The following HIVEP3 variants were observed in gnomAD, a reference collection of about 807,000 sequenced individuals.
The protein encoded by HIVEP3 is transcription factor HIVEP3.
In HIVEP3, 49 loss-of-function variants were observed where a neutral mutation model predicts 152.8. The observed-to-expected ratio is 0.32, with a 90% CI of 0.26 to 0.41. HIVEP3 has a LOEUF of 0.41. Ranked by LOEUF, HIVEP3 falls within the 10% of genes least tolerant of loss-of-function variation. HIVEP3 has a pLI of 1.00. For missense variants in HIVEP3, 2,790 were observed against 3,103.3 expected (o/e 0.90, Z 2.40); for synonymous variants, 1,269 against 1,289.0 (o/e 0.98, Z 0.33).
At chr1:41,577,614 G>A (rs1164398000) in intron 4 of HIVEP3, among the ~76,000 whole-genome samples, 1 of 152,156 alleles carries the variant, frequency 6.6e-6, no homozygotes, top group Non-Finnish European at 1.5e-5. Context: ...AACATCATGG[G>A]GTGTCCTAGA....
intron 2 of HIVEP3, among the ~76,000 whole-genome samples, chr1:41,697,007 T>A (rs1646286677): frequency 1.3e-5 from 2 of 152,248 alleles, no homozygotes; most frequent in African/African-American, 4.8e-5. Context: ...AATACATTTA[T>A]ACGGCTGGCT....
intron 1 of HIVEP3, among the ~76,000 whole-genome samples, chr1:41,928,674 T>C (rs1221657619): frequency 6.6e-6 from 1 of 152,226 alleles, no homozygotes; most frequent in African/African-American, 2.4e-5. Flanking sequence ...TCCTTGTCTT[T>C]CTTGCCCTTG....
At chr1:41,626,198 G>A (rs537772386) in intron 3 of HIVEP3, among the ~76,000 whole-genome samples, 86 of 151,610 alleles carry the variant, frequency 5.7e-4, no homozygotes, top group African/African-American at 2.0e-3. Flanking sequence ...CCCCAGCACC[G>A]GGGCGTTTGC....
intron 5 of HIVEP3, among the ~76,000 whole-genome samples, chr1:41,563,402 A>G (rs1276341786): frequency 6.6e-6 from 1 of 152,018 alleles, no homozygotes; most frequent in Non-Finnish European, 1.5e-5. Context: ...AGTGAATGCA[A>G]TGCATACAGA....
chr1:41,963,006 T>C (rs1474652643), intron 1 of HIVEP3, among the ~76,000 whole-genome samples: 1 of 150,592 alleles, frequency 6.6e-6, no homozygotes, highest in Non-Finnish European at 1.5e-5. Flanking sequence ...CCAAAAGTTG[T>C]TTTTTTTTGT....
At chr1:41,749,404 T>TTTTGTGTGTGTGTGTGTG (rs1553255920) in intron 1 of HIVEP3, among the ~76,000 whole-genome samples, 2 of 140,774 alleles carry the variant, frequency 1.4e-5, no homozygotes, top group African/African-American at 5.2e-5. Context: ...TTAGAAAAAA[T>TTTTGTGTGTGTGTGTGTG]TGTGTGTGTG....
At position 41,580,644 on chromosome 1, in the gene HIVEP3, T is replaced by C; in HGVS notation, c.4154A>G (p.Glu1385Gly). 6.2e-7 allele frequency: 1 copy of C among 1,614,108 alleles called. No individual in the cohort carries two copies. The highest frequency in any genetic ancestry group is 1.3e-5 in the African/African-American group (1 of 75,054). The change falls in exon 4 of 9, where the codon GAA becomes GGA. Residue 1385 changes from glutamate (E) to glycine (G), a missense_variant. By Grantham distance (98) the Glu-to-Gly change is moderately conservative. Transcript: ENST00000372583. ...EVGPGPSGLSEEQSRAFPTPY... is the reference protein window; with the variant it reads ...EVGPGPSGLSGEQSRAFPTPY... ...AGTTGGGAAAGCTCTGCTTTGCTCTTCACTTAACCCAGAAGGGCCGGGCCC... is the reference window on the plus strand; with the variant it reads ...AGTTGGGAAAGCTCTGCTTTGCTCTCCACTTAACCCAGAAGGGCCGGGCCC...
At chr1:42,034,107 T>C (rs1195147889) in intron 1 of HIVEP3, among the ~76,000 whole-genome samples, 1 of 152,246 alleles carries the variant, frequency 6.6e-6, no homozygotes, top group African/African-American at 2.4e-5. Context: ...TCTTGTTAGC[T>C]CTGAATTTTG....
intron 1 of HIVEP3, among the ~76,000 whole-genome samples, chr1:41,730,267 C>T (rs1289851947): frequency 6.6e-6 from 1 of 152,252 alleles, no homozygotes; most frequent in East Asian, 1.9e-4. Flanking sequence ...GAACCTGGGC[C>T]TCTGCCCCTC....
chr1:41,957,815 C>T (rs1465880223), intron 1 of HIVEP3, among the ~76,000 whole-genome samples: 1 of 152,184 alleles, frequency 6.6e-6, no homozygotes, highest in Non-Finnish European at 1.5e-5. Flanking sequence ...GACATGGCAC[C>T]AGCTCCCGTC....
chr1:41,530,910 G>T (rs567850799), intron 5 of HIVEP3, among the ~76,000 whole-genome samples: 1 of 152,366 alleles, frequency 6.6e-6, no homozygotes, highest in Non-Finnish European at 1.5e-5. Context: ...CCTTGACTTG[G>T]GGCGGGGTGT....
At chr1:41,795,605 T>C (rs2124304733) in intron 1 of HIVEP3, among the ~76,000 whole-genome samples, 1 of 152,352 alleles carries the variant, frequency 6.6e-6, no homozygotes, top group East Asian at 1.9e-4. Context: ...TATCTAGAAT[T>C]CTCCTGTAAA....
intron 1 of HIVEP3, among the ~76,000 whole-genome samples, chr1:41,948,351 C>T (rs1381036192): frequency 6.6e-6 from 1 of 152,186 alleles, no homozygotes; most frequent in African/African-American, 2.4e-5. Flanking sequence ...CCTCCATGCC[C>T]ACGCAGCAAT....
chr1:41,859,826 C>G (rs946468992), intron 1 of HIVEP3, among the ~76,000 whole-genome samples: 1 of 152,272 alleles, frequency 6.6e-6, no homozygotes, highest in East Asian at 1.9e-4. Flanking sequence ...GTTCCTCTTG[C>G]GAATTGCCTG....
rs1032767964 is a variant in HIVEP3, at chr1:41,905,627, G to A, written c.-801+12786C>T. ...CATAGAGGTTAAGTAACTTGTCCAA[G>A]ATCACACAGTTAGTATATGACAGAG... On this transcript the variant is annotated intron_variant, in intron 1 of 8. Transcript: ENST00000372583. Among the ~76,000 whole-genome samples the A allele has an allele frequency of 5.3e-5, 8 of 152,322 alleles. No individual in the cohort carries two copies. The South Asian group carries it at 1.4e-3, about 28-fold the overall frequency.
chr1:41,649,648 G>GCTC (rs2124009171), intron 2 of HIVEP3, among the ~76,000 whole-genome samples: 1 of 152,306 alleles, frequency 6.6e-6, no homozygotes, highest in East Asian at 1.9e-4. Flanking sequence ...TCTCCAAAGA[G>GCTC]CTCCTCCCCT....
chr1:41,626,181 C>T (rs1356550676), intron 3 of HIVEP3, among the ~76,000 whole-genome samples: 1 of 151,564 alleles, frequency 6.6e-6, no homozygotes. Context: ...ATGGGCCACC[C>T]CGCCCTCCCC....
At chr1:41,797,737 C>T (rs981087771) in intron 1 of HIVEP3, among the ~76,000 whole-genome samples, 2 of 152,114 alleles carry the variant, frequency 1.3e-5, no homozygotes, top group Admixed American at 6.5e-5. Flanking sequence ...GCCTGTAATT[C>T]CAGCACTTTG....
At chr1:41,980,037 A>G (rs1340842528) in intron 1 of HIVEP3, among the ~76,000 whole-genome samples, 4 of 152,220 alleles carry the variant, frequency 2.6e-5, no homozygotes, top group Non-Finnish European at 5.9e-5. Flanking sequence ...TGTCTGCTCT[A>G]AGCCAATCTT....
Sources: gnomAD v4.1 joint callset for allele counts (sites outside exome capture counted in the v4.1 genomes callset) on GRCh38, gnomAD v4.1.1 for gene constraint, MANE v1.5 for transcripts, NCBI Gene and HGNC (gene_info 2026-07-23, HGNC 2026-07-21) for gene names.